RBFOX3: variants seen among roughly 807,000 people sequenced by gnomAD.
RBFOX3 encodes the protein RNA binding fox-1 homolog 3, also known as RNA binding protein fox-1 homolog 3.
Under a neutral mutation model 48.7 loss-of-function variants are expected in RBFOX3, and 17 were observed. The observed-to-expected ratio is 0.35, with a 90% CI of 0.24 to 0.52. The LOEUF (loss-of-function observed/expected upper bound fraction) is 0.52. Ranked by LOEUF, RBFOX3 falls within the 20% of genes least tolerant of loss-of-function variation. RBFOX3 has a pLI of 0.94. For missense variants in RBFOX3, 382 were observed against 497.5 expected, an observed-to-expected ratio of 0.77 and a Z score of 2.21; for synonymous variants, 212 against 209.5, an observed-to-expected ratio of 1.01 and a Z score of -0.10.
chr17:79,109,418 CG>C (rs1234658254), intron 5 of RBFOX3, among the ~76,000 whole-genome samples: 7 of 152,296 alleles, frequency 4.6e-5, no homozygotes, highest in Admixed American at 1.3e-4. Context: ...CAGGGGTATG[CG>C]GGAGGCTCCT....
intron 2 of RBFOX3, among the ~76,000 whole-genome samples, chr17:79,435,343 G>A (rs1311476039): frequency 6.6e-6 from 1 of 152,204 alleles, no homozygotes. Context: ...CTTTAAAGGG[G>A]GGAGAAGGAA....
chr17:79,622,754 T>C, the RBFOX3 span, among the ~76,000 whole-genome samples: 1 of 152,150 alleles, frequency 6.6e-6, no homozygotes, highest in African/African-American at 2.4e-5. Context: ...TCAAAGATCC[T>C]CTCTCCAAAC....
chr17:79,650,579 G>A, the RBFOX3 span, among the ~76,000 whole-genome samples: 1 of 152,138 alleles, frequency 6.6e-6, no homozygotes, highest in Non-Finnish European at 1.5e-5. Flanking sequence ...CAGGCTCACA[G>A]AGCAGGGGAC....
At chr17:79,555,640 GTGA>G (rs2091659856) in intron 1 of RBFOX3, among the ~76,000 whole-genome samples, 1 of 151,964 alleles carries the variant, frequency 6.6e-6, no homozygotes, top group Non-Finnish European at 1.5e-5. Context: ...GATTATGTCA[GTGA>G]TGGTGGTGGT....
chr17:79,629,817 G>A, the RBFOX3 span, among the ~76,000 whole-genome samples: 1 of 152,148 alleles, frequency 6.6e-6, no homozygotes, highest in African/African-American at 2.4e-5. Context: ...TATTGTAGAA[G>A]AATATTGAAT....
chr17:79,232,093 C>G (rs977984290), intron 4 of RBFOX3, among the ~76,000 whole-genome samples: 3 of 152,140 alleles, frequency 2.0e-5, no homozygotes, highest in Non-Finnish European at 2.9e-5. Flanking sequence ...CCCATTATCA[C>G]GAGAACAGCA....
rs1025235018 is a variant in RBFOX3, at chr17:79,249,970, T to C, written c.-73-14165A>G. On this transcript the variant is annotated intron_variant, in intron 3 of 14. Transcript: ENST00000693108. This position sits in a 1 kb window ranked among gnomAD's most constrained non-coding sequence, Gnocchi z 4.1. ...GGCATCCCTGGCATCGCTTTGGCTC[T>C]TGCGAGAGGGAGCCAGTTTTAAGGA... Among the ~76,000 whole-genome samples the C allele has an allele frequency of 3.9e-5, 6 of 152,222 alleles. No individual in the cohort carries two copies. Among genetic ancestry groups the C allele is most frequent in the Non-Finnish European group, 8.8e-5 (6 of 68,044 alleles).
chr17:79,205,357 GGTCT>G lies in RBFOX3; in HGVS notation c.-34+30405_-34+30408del, dbSNP rs1403355547. On this transcript the variant is annotated intron_variant, in intron 4 of 14. Coordinates refer to ENST00000693108, the MANE Select transcript of RBFOX3 (RefSeq NM_001350451.2). This position sits in a 1 kb window ranked among gnomAD's most constrained non-coding sequence, Gnocchi z 4.5. ...CCTGAACCACATCCATCTTACAGCA[GGTCT>G]GTCAGGCTCATGGACCCATCCTGTG... 2.6e-5 allele frequency among the ~76,000 whole-genome samples: 4 copies of G among 152,124 alleles called. No homozygotes were observed. Among genetic ancestry groups the G allele is most frequent in the Non-Finnish European group, 5.9e-5 (4 of 68,026 alleles).
chr17:79,307,218 G>A (rs928388917), intron 3 of RBFOX3, among the ~76,000 whole-genome samples: 1 of 152,258 alleles, frequency 6.6e-6, no homozygotes, highest in Non-Finnish European at 1.5e-5. Context: ...CTGGCCACTT[G>A]GGCAAAGCTT....
rs1021039557 is a variant in RBFOX3, at chr17:79,471,312, G to A, written c.-175+11142C>T. ...ACGCTTGGGGTATTCGCAGGGAAAT[G>A]AGGGCAAAGCATTTTGCAAAGAGCG... On this transcript the variant is annotated intron_variant, in intron 2 of 14. Coordinates refer to ENST00000693108, the MANE Select transcript of RBFOX3 (RefSeq NM_001350451.2). This position sits in a 1 kb window ranked among gnomAD's most constrained non-coding sequence, Gnocchi z 4.0. 6.6e-5 allele frequency among the ~76,000 whole-genome samples: 10 copies of A among 152,316 alleles called. No homozygotes were observed. Among genetic ancestry groups the A allele is most frequent in the Admixed American group, 3.3e-4 (5 of 15,308 alleles).
intron 2 of RBFOX3, among the ~76,000 whole-genome samples, chr17:79,322,221 T>G (rs1198435066): frequency 6.9e-4 from 100 of 144,640 alleles, no homozygotes; most frequent in African/African-American, 1.1e-3. Context: ...TACAGGGGGG[T>G]GGGTGGCAGG....
chr17:79,642,256 G>A, the RBFOX3 span, among the ~76,000 whole-genome samples: 3 of 152,218 alleles, frequency 2.0e-5, no homozygotes, highest in Non-Finnish European at 4.4e-5. Flanking sequence ...ATAAAGGTCC[G>A]GTTATGTGGG....
intron 1 of RBFOX3, among the ~76,000 whole-genome samples, chr17:79,498,556 C>T (rs1477972668): frequency 2.7e-5 from 4 of 150,094 alleles, no homozygotes; most frequent in Admixed American, 2.7e-4. Context: ...CATCCGTCTA[C>T]TCATGCACCT....
intron 1 of RBFOX3, among the ~76,000 whole-genome samples, chr17:79,559,350 A>G (rs1307254604): frequency 3.3e-5 from 5 of 150,988 alleles, no homozygotes; most frequent in African/African-American, 2.4e-5. Context: ...GATGGTGGAT[A>G]GTGAATGGGT....
At chr17:79,560,112 G>A (rs1466124889) in intron 1 of RBFOX3, among the ~76,000 whole-genome samples, 1 of 151,912 alleles carries the variant, frequency 6.6e-6, no homozygotes, top group Admixed American at 6.6e-5. Context: ...TGCATCTTCA[G>A]CAACTCCTAG....
intron 2 of RBFOX3, among the ~76,000 whole-genome samples, chr17:79,378,831 G>T (rs548710584): frequency 1.3e-5 from 2 of 152,236 alleles, no homozygotes; most frequent in Non-Finnish European, 2.9e-5. Flanking sequence ...CCACTGAAAG[G>T]CTGGCAGGGA....
In RBFOX3 at chr17:79,114,673, C is replaced by T. The variant is rs968642135; in HGVS notation, c.222+821G>A. Among the ~76,000 whole-genome samples the T allele has an allele frequency of 7.9e-5, 12 of 152,300 alleles. 1 individual carries two copies. Among genetic ancestry groups the T allele is most frequent in the African/African-American group, 2.9e-4 (12 of 41,572 alleles). On this transcript the variant is annotated intron_variant, in intron 5 of 14. Coordinates refer to ENST00000693108, the MANE Select transcript of RBFOX3 (RefSeq NM_001350451.2). ...AGTGCAGAGAGCTCTGGCCTCCTGC[C>T]CAGCCCCGCCAGCTAGCACATCCAG...
At chr17:79,282,682 T>C (rs1049400486) in intron 3 of RBFOX3, among the ~76,000 whole-genome samples, 1 of 152,210 alleles carries the variant, frequency 6.6e-6, no homozygotes, top group African/African-American at 2.4e-5. Flanking sequence ...AAGCCACCTC[T>C]GCCACGCATC....
At chr17:79,407,722 G>A (rs562794689) in intron 2 of RBFOX3, among the ~76,000 whole-genome samples, 38 of 152,286 alleles carry the variant, frequency 2.5e-4, no homozygotes, top group Non-Finnish European at 4.6e-4. Flanking sequence ...AGAGCTAGGC[G>A]GCCGGGAGCA....
Sources: allele counts gnomAD v4.1 joint callset (sites outside exome capture counted in the v4.1 genomes callset), GRCh38; gene constraint gnomAD v4.1.1; non-coding constraint Gnocchi (gnomAD v3.1); transcripts MANE v1.5; gene names NCBI Gene and HGNC (gene_info 2026-07-23, HGNC 2026-07-21).